PCLO: variants seen among roughly 807,000 people sequenced by gnomAD.
PCLO encodes the protein piccolo presynaptic cytomatrix protein.
Under a neutral mutation model 427.5 loss-of-function variants are expected in PCLO, and 82 were observed. The ratio of observed to expected loss-of-function variants is 0.19; its 90% confidence interval spans 0.16 to 0.23. The LOEUF (loss-of-function observed/expected upper bound fraction) is 0.23, where lower values mean the gene tolerates loss of function less well. Ranked by LOEUF, PCLO falls within the 10% of genes least tolerant of loss-of-function variation. The probability of loss-of-function intolerance (pLI) is 1.00; values close to 1 mark genes in which losing one functional copy is unlikely to be tolerated. For synonymous variants in PCLO, 2,357 were observed against 2,155.4 expected, an observed-to-expected ratio of 1.09 and a Z score of -2.59; for missense variants, 6,239 against 6,115.9, an observed-to-expected ratio of 1.02 and a Z score of -0.67.
At position 82,954,661 on chromosome 7, in the gene PCLO, A is replaced by T. The variant is rs769536827; in HGVS notation, c.6292T>A (p.Phe2098Ile). 26 of 1,613,832 alleles carry T rather than the reference A, an allele frequency of 1.6e-5. No individual in the cohort carries two copies. The highest frequency in any genetic ancestry group is 2.2e-5 in the Non-Finnish European group (26 of 1,179,874). ...AAAGAGGCATCTGGCATTCTGTCAA[A>T]GTCCATGGTGGACTCTGTCATATCC... Reference protein sequence around the residue: ...GEDMTESTMDFDRMPDASLTS... With the variant: ...GEDMTESTMDIDRMPDASLTS... Residue 2098 changes from phenylalanine (F) to isoleucine (I), a missense_variant, in exon 5 of 25, where the codon TTT (phenylalanine) becomes ATT (isoleucine). Around this residue, in one of 5 missense-constraint regions of PCLO, gnomAD observed 4,677 missense variants for 4,468.4 expected, o/e 1.05. Transcript: ENST00000333891.
intron 3 of PCLO, among the ~76,000 whole-genome samples, chr7:83,126,629 T>A (rs1281742517): frequency 6.6e-6 from 1 of 151,306 alleles, no homozygotes; most frequent in African/African-American, 2.4e-5. Context: ...TAAAAATGAG[T>A]GACAGATAAG....
At chr7:83,038,207 T>C (rs1293220040) in intron 3 of PCLO, among the ~76,000 whole-genome samples, 2 of 144,996 alleles carry the variant, frequency 1.4e-5, no homozygotes, top group Admixed American at 1.6e-4. Flanking sequence ...CACACACATA[T>C]ATGTGTTTAA....
chr7:83,156,436 G>A, intron 1 of PCLO, 44 bp from the exon 2 acceptor site: 1 of 1,190,602 alleles, frequency 8.4e-7, no homozygotes, highest in Non-Finnish European at 1.2e-6. Flanking sequence ...TGAAAATAAT[G>A]GAAATTATTT....
Position 82,956,180 on chromosome 7 carries a change from G to C in PCLO, c.4773C>G (p.Ser1591Arg). Residue 1591 changes from serine (S) to arginine (R), a missense_variant, in exon 5 of 25, where the codon AGC becomes AGG. Physicochemically the swap from Ser to Arg is moderately radical, Grantham distance 110. This residue lies in a region of PCLO where 4,677 missense variants were observed against 4,468.4 expected (regional missense o/e 1.05). Coordinates refer to ENST00000333891, the MANE Select transcript of PCLO (RefSeq NM_033026.6). ...QLKEISSSTE[S>R]QKKEETKGKG... ...TTCCCTTTGTTTCTTCCTTCTTCTG[G>C]CTCTCAGTACTGCTACTAATCTCTT... 1 of 1,608,944 alleles carries C rather than the reference G, an allele frequency of 6.2e-7. No individual in the cohort carries two copies. Among genetic ancestry groups the C allele is most frequent in the Non-Finnish European group, 8.5e-7 (1 of 1,179,820 alleles).
chr7:82,775,447 G>T lies in PCLO; in HGVS notation c.15008-13954C>A, dbSNP rs541906721. Among the ~76,000 whole-genome samples, 119 of 152,246 alleles carry T rather than the reference G, an allele frequency of 7.8e-4. 1 individual carries two copies. The South Asian group carries it at 0.023, about 29-fold the overall frequency. On this transcript the variant is annotated intron_variant, in intron 22 of 24. Transcript: ENST00000333891. ...TTGGTCATCTAATGGGTGTGTAGGG[G>T]TATATCACTGTTGTTTAATTTGCAT...
chr7:82,765,109 AC>A (rs1790507067), intron 22 of PCLO, among the ~76,000 whole-genome samples: 1 of 151,864 alleles, frequency 6.6e-6, no homozygotes, highest in Non-Finnish European at 1.5e-5. Context: ...CAACTAACCA[AC>A]TTTTGGGTGA....
intron 3 of PCLO, among the ~76,000 whole-genome samples, chr7:83,039,105 T>C (rs981717169): frequency 1.3e-5 from 2 of 152,038 alleles, no homozygotes; most frequent in Non-Finnish European, 2.9e-5. Flanking sequence ...ATTCTAATAG[T>C]TAATATACAA....
chr7:83,101,883 C>T (rs1047402136), intron 3 of PCLO, among the ~76,000 whole-genome samples: 1 of 152,106 alleles, frequency 6.6e-6, no homozygotes, highest in African/African-American at 2.4e-5. Flanking sequence ...AAAGCTTAAA[C>T]TTGAATAAAC....
At chr7:83,046,237 A>T (rs1043940471) in intron 3 of PCLO, among the ~76,000 whole-genome samples, 1 of 152,036 alleles carries the variant, frequency 6.6e-6, no homozygotes, top group African/African-American at 2.4e-5. Context: ...AACACATATA[A>T]ATTTTGGGAA....
chr7:83,087,916 T>C lies in PCLO; in HGVS notation c.3300+46334A>G, dbSNP rs115926136. The stretch of plus-strand genomic sequence containing the variant: ...AGATTTTCATGGACTCTAGGACATT[T>C]TGTGTTTAACTGCATTATAAATTGC... On this transcript the variant is annotated intron_variant, in intron 3 of 24. Transcript: ENST00000333891. 2.5e-3 allele frequency among the ~76,000 whole-genome samples: 381 copies of C among 152,326 alleles called. 1 individual carries two copies. The highest frequency in any genetic ancestry group is 8.8e-3 in the African/African-American group (364 of 41,574).
At chr7:83,039,772 G>A (rs529896516) in intron 3 of PCLO, among the ~76,000 whole-genome samples, 1 of 152,154 alleles carries the variant, frequency 6.6e-6, no homozygotes, top group South Asian at 2.1e-4. Context: ...CTACATCTGT[G>A]GATGAAGTTG....
At chr7:83,017,840 A>G (rs890015835) in intron 3 of PCLO, 2 of 152,044 alleles carry the variant, frequency 1.3e-5, no homozygotes, top group African/African-American at 4.8e-5. Flanking sequence ...GATGGGAAAA[A>G]TTATTTAACA....
At chr7:82,774,891 C>T (rs1042709586) in intron 22 of PCLO, among the ~76,000 whole-genome samples, 2 of 152,164 alleles carry the variant, frequency 1.3e-5, no homozygotes, top group Non-Finnish European at 2.9e-5. Context: ...CTGTGTTCTG[C>T]CTATTCATTC....
chr7:83,124,216 C>T (rs1791365756), intron 3 of PCLO, among the ~76,000 whole-genome samples: 1 of 151,458 alleles, frequency 6.6e-6, no homozygotes, highest in Admixed American at 6.6e-5. Flanking sequence ...ACTCGGAAGG[C>T]TGAGGCAGGA....
intron 6 of PCLO, among the ~76,000 whole-genome samples, chr7:82,946,303 A>G (rs1007456723): frequency 1.3e-5 from 2 of 152,166 alleles, no homozygotes; most frequent in South Asian, 4.1e-4. Flanking sequence ...AATGTTGAGC[A>G]CCTACTTCAT....
At chr7:82,814,305 G>T (rs1439549494) in intron 20 of PCLO, among the ~76,000 whole-genome samples, 1 of 151,536 alleles carries the variant, frequency 6.6e-6, no homozygotes, top group Non-Finnish European at 1.5e-5. Context: ...GTTCTGAAAT[G>T]CAATAGAAGA....
At chr7:83,094,677 GA>G (rs113418531) in intron 3 of PCLO, among the ~76,000 whole-genome samples, 1 of 152,090 alleles carries the variant, frequency 6.6e-6, no homozygotes, top group Admixed American at 6.5e-5. Flanking sequence ...TCTATTACGA[GA>G]AAAAAAGCTG....
Position 83,038,537 on chromosome 7 carries a change from C to T in PCLO, c.3301-72050G>A, listed in dbSNP as rs547159939. ...TGTGGCATAATGTTTTAAAGATTCA[C>T]CTATGCTTTTGCTTGTGTAAGTACT... On this transcript the variant is annotated intron_variant, in intron 3 of 24. Transcript: ENST00000333891. Among the ~76,000 whole-genome samples the T allele has an allele frequency of 3.3e-5, 5 of 151,984 alleles. No individual in the cohort carries two copies. In the South Asian group the frequency reaches 1.0e-3, roughly 31 times the overall value.
At chr7:83,121,820 T>C (rs189626592) in intron 3 of PCLO, among the ~76,000 whole-genome samples, 3 of 151,374 alleles carry the variant, frequency 2.0e-5, no homozygotes, top group South Asian at 2.1e-4. Flanking sequence ...AGTGAGAGGC[T>C]ATAGCCCTGA....
Sources: allele counts gnomAD v4.1 joint callset (sites outside exome capture counted in the v4.1 genomes callset), GRCh38; gene constraint gnomAD v4.1.1; regional missense constraint gnomAD v4.1.1; transcripts MANE v1.5; gene names NCBI Gene and HGNC (gene_info 2026-07-23, HGNC 2026-07-21).